The following HHIPL1 variants were observed in gnomAD, a reference collection of about 807,000 sequenced individuals.
HHIPL1 encodes the protein HHIP like 1, also known as HHIP-like protein 1.
In HHIPL1, 43 loss-of-function variants were observed where a neutral mutation model predicts 61.8. The observed-to-expected ratio is 0.70, with a 90% CI of 0.55 to 0.90. HHIPL1 has a LOEUF of 0.90. HHIPL1 is among the 40% of genes least tolerant of loss of function. The pLI is 0.00. For synonymous variants in HHIPL1, 482 were observed against 515.8 expected (o/e 0.93, Z 0.89); for missense variants, 1,056 against 1,157.7 (o/e 0.91, Z 1.28).
upstream of HHIPL1, chr14:99,645,016 G>C: frequency 2.3e-6 from 1 of 438,198 alleles, no homozygotes; most frequent in Non-Finnish European, 3.8e-6. Flanking sequence ...GCCGCATTCT[G>C]CGCCGCGTCC....
chr14:99,634,213 CA>C, the HHIPL1 span, among the ~76,000 whole-genome samples: 1 of 152,200 alleles, frequency 6.6e-6, no homozygotes, highest in Non-Finnish European at 1.5e-5. Flanking sequence ...TGTGTCTGTG[CA>C]AGTGTGTGCA....
the HHIPL1 span, among the ~76,000 whole-genome samples, chr14:99,622,137 A>G: frequency 1.3e-5 from 2 of 152,128 alleles, no homozygotes; most frequent in Admixed American, 6.5e-5. Context: ...TCCCTGTTCA[A>G]TTCCCTTCTG....
Position 99,669,545 on chromosome 14 carries a change from C to G in HHIPL1, c.1730+1242C>G, listed in dbSNP as rs138764409. 1.5e-3 allele frequency among the ~76,000 whole-genome samples: 221 copies of G among 152,196 alleles called. 3 individuals are homozygous for G. The highest frequency in any genetic ancestry group is 6.4e-3 in the East Asian group (33 of 5,186). ...GGAGGCAGATGGGAGGAGTTCAAGT[C>G]CAGCCCGGGCAACACAGGGAGAACT... On this transcript the variant is annotated intron_variant, in intron 7 of 8. Coordinates refer to ENST00000330710, the MANE Select transcript of HHIPL1 (RefSeq NM_001127258.3).
In HHIPL1 at chr14:99,678,552, A is replaced by C. The variant is rs962377977; in HGVS notation, c.*2926A>C. 1 of 152,250 alleles carries C rather than the reference A, an allele frequency of 6.6e-6. No homozygotes were observed. The highest frequency in any genetic ancestry group is 2.4e-5 in the African/African-American group (1 of 41,456). 9.4% of individuals were successfully genotyped at this position (152,250 alleles called of 1,614,324 possible). On this transcript the variant is annotated 3_prime_UTR_variant, in exon 9 of 9. Transcript: ENST00000330710. ...TCCATTGGCAGAAGCCAGACCGCACAATCTAAACTAAAACCCGATTGGCTG... is the reference window on the plus strand; with the variant it reads ...TCCATTGGCAGAAGCCAGACCGCACCATCTAAACTAAAACCCGATTGGCTG...
chr14:99,664,871 A>G (rs914179802), intron 6 of HHIPL1, among the ~76,000 whole-genome samples: 2 of 152,100 alleles, frequency 1.3e-5, no homozygotes, highest in African/African-American at 4.8e-5. Context: ...GAGCCCTTGG[A>G]ATGAAGACCC....
chr14:99,659,815 G>A, intron 4 of HHIPL1, 59 bp downstream of exon 4: 2 of 950,752 alleles, frequency 2.1e-6, no homozygotes, highest in Non-Finnish European at 2.6e-6. Context: ...CACCCCACCT[G>A]CTGTGCCGCA....
intron 4 of HHIPL1, 119 bp downstream of exon 4, chr14:99,659,875 T>G: frequency 1.7e-6 from 1 of 601,784 alleles, no homozygotes; most frequent in South Asian, 2.5e-5. Context: ...TCCCTGACCC[T>G]GAGTCTGTCC....
At chr14:99,654,055 A>T (rs1306927424) in intron 2 of HHIPL1, among the ~76,000 whole-genome samples, 1 of 152,040 alleles carries the variant, frequency 6.6e-6, no homozygotes, top group African/African-American at 2.4e-5. Flanking sequence ...TGGGTGTGGT[A>T]GTGGTTATCT....
rs574016360 is a variant in HHIPL1, at chr14:99,647,853, A to T, written c.255+2391A>T. ...CTCTTTCCTGAGGCTTTGCTTGTCC[A>T]GTAAGTGCCTGTGTCCTCTGGAGGA... On this transcript the variant is annotated intron_variant, in intron 1 of 8. Coordinates refer to ENST00000330710, the MANE Select transcript of HHIPL1 (RefSeq NM_001127258.3). Among the ~76,000 whole-genome samples, 10 of 152,288 alleles carry T rather than the reference A, an allele frequency of 6.6e-5. No homozygotes were observed. The East Asian group carries it at 1.9e-3, about 29-fold the overall frequency.
At chr14:99,628,780 T>C in the HHIPL1 span, among the ~76,000 whole-genome samples, 6,271 of 152,116 alleles carry the variant, frequency 0.041, 393 homozygotes, top group African/African-American at 0.14. Flanking sequence ...TAGCTTCCTG[T>C]GTGGCCTCAG....
At chr14:99,637,111 G>GAAAGAAAAGAA in the HHIPL1 span, among the ~76,000 whole-genome samples, 6 of 118,098 alleles carry the variant, frequency 5.1e-5, 1 homozygote, top group South Asian at 2.7e-4. Context: ...AAAAAAGAAA[G>GAAAGAAAAGAA]AAAGAAAGAA....
At chr14:99,638,417 C>A in the HHIPL1 span, among the ~76,000 whole-genome samples, 1 of 152,206 alleles carries the variant, frequency 6.6e-6, no homozygotes, top group African/African-American at 2.4e-5. Context: ...ATGGAATTAG[C>A]AGAGCCTGGT....
upstream of HHIPL1, among the ~76,000 whole-genome samples, chr14:99,642,532 T>G (rs1049711302): frequency 4.6e-5 from 7 of 152,070 alleles, no homozygotes; most frequent in African/African-American, 1.7e-4. Context: ...TTTTAATTTT[T>G]TTTTTTTTTC....
chr14:99,621,719 T>TC, the HHIPL1 span, among the ~76,000 whole-genome samples: 1 of 122,024 alleles, frequency 8.2e-6, no homozygotes, highest in Non-Finnish European at 1.6e-5. Flanking sequence ...CTTTTTTTTT[T>TC]TTTTTTTTTT....
chr14:99,661,176 TAA>T (rs930070050), intron 5 of HHIPL1, among the ~76,000 whole-genome samples: 1 of 152,076 alleles, frequency 6.6e-6, no homozygotes, highest in African/African-American at 2.4e-5. Context: ...AGCTGAGGAC[TAA>T]AGAGGCCCAA....
Position 99,662,953 on chromosome 14 carries a change from C to T in HHIPL1, c.1580C>T (p.Thr527Ile), listed in dbSNP as rs921777260. 5.0e-6 allele frequency: 8 copies of T among 1,613,860 alleles called. No homozygotes were observed. Among genetic ancestry groups the T allele is most frequent in the Non-Finnish European group, 5.9e-6 (7 of 1,179,934 alleles). ...GAGATCTGCATGGGCCACGGCCAGA[C>T]CTGTGAGTTCCCAGGCCTCATCAAC... ...YSEICMGHGQ[T>I]CEFPGLINNY... The change falls in exon 6 of 9, where the codon ACC becomes ATC. Residue 527 changes from threonine to isoleucine, a missense_variant. Coordinates refer to ENST00000330710, the MANE Select transcript of HHIPL1 (RefSeq NM_001127258.3).
chr14:99,619,938 C>T, the HHIPL1 span, among the ~76,000 whole-genome samples: 471 of 152,316 alleles, frequency 3.1e-3, no homozygotes, highest in African/African-American at 0.011. Flanking sequence ...ACCCCCAATC[C>T]ACATCCTTAG....
the HHIPL1 span, among the ~76,000 whole-genome samples, chr14:99,617,845 T>C: frequency 6.6e-6 from 1 of 152,122 alleles, no homozygotes; most frequent in Non-Finnish European, 1.5e-5. Flanking sequence ...GGCTGTTTCC[T>C]CCTCCCATCC....
At chr14:99,647,163 A>G (rs1372772178) in intron 1 of HHIPL1, among the ~76,000 whole-genome samples, 10 of 152,148 alleles carry the variant, frequency 6.6e-5, no homozygotes, top group Non-Finnish European at 1.5e-4. Context: ...GGTGGGAAGC[A>G]GTAGACTCTG....
Sources: allele counts gnomAD v4.1 joint callset (sites outside exome capture counted in the v4.1 genomes callset), GRCh38; gene constraint gnomAD v4.1.1; transcripts MANE v1.5; gene names NCBI Gene and HGNC (gene_info 2026-07-23, HGNC 2026-07-21).